The following ATG7 variants were observed in gnomAD, a reference collection of about 807,000 sequenced individuals.
ATG7 encodes the protein autophagy related 7.
Under a neutral mutation model 82.4 loss-of-function variants are expected in ATG7, and 70 were observed. The ratio of observed to expected loss-of-function variants is 0.85; its 90% CI spans 0.70 to 1.04. ATG7 has a LOEUF of 1.04. Among genes scored for constraint, ATG7 ranks in the 50% least tolerant of loss-of-function variants. The pLI, the probability that ATG7 is intolerant of heterozygous loss-of-function variation, is 0.00. For synonymous variants in ATG7, 287 were observed against 313.0 expected (o/e 0.92, Z 0.88); for missense variants, 792 against 864.3 (o/e 0.92, Z 1.05).
chr3:11,276,190 G>A (rs1416908936), intron 1 of ATG7, among the ~76,000 whole-genome samples: 1 of 152,036 alleles, frequency 6.6e-6, no homozygotes, highest in Non-Finnish European at 1.5e-5. Context: ...CCACTAAGTT[G>A]CAGCCATTAA....
intron 20 of ATG7, among the ~76,000 whole-genome samples, chr3:11,432,384 T>C (rs1056100155): frequency 6.6e-6 from 1 of 152,194 alleles, no homozygotes. Context: ...TCTCAAGTTA[T>C]AGATTAAAAA....
intron 19 of ATG7, among the ~76,000 whole-genome samples, chr3:11,403,519 G>A (rs1475725090): frequency 6.6e-6 from 1 of 152,034 alleles, no homozygotes; most frequent in African/African-American, 2.4e-5. Context: ...TTTAAGAAAT[G>A]GAAACTAGCA....
At chr3:11,442,739 CA>C (rs57073881) in intron 20 of ATG7, among the ~76,000 whole-genome samples, 1,426 of 69,030 alleles carry the variant, frequency 0.021, 55 homozygotes, top group African/African-American at 0.065. Context: ...TCCATCTCTA[CA>C]AAAAAAAAAA....
At chr3:11,436,678 G>A (rs954587087) in intron 20 of ATG7, among the ~76,000 whole-genome samples, 55 of 152,212 alleles carry the variant, frequency 3.6e-4, no homozygotes, top group Non-Finnish European at 7.3e-5. Flanking sequence ...ATTAGCTGAT[G>A]AATGGATGGA....
intron 9 of ATG7, among the ~76,000 whole-genome samples, chr3:11,319,387 C>T (rs1646311461): frequency 6.6e-6 from 1 of 152,146 alleles, no homozygotes; most frequent in African/African-American, 2.4e-5. Context: ...TCTGCCCCCT[C>T]CTCCTCCTAC....
chr3:11,297,793 G>A (rs994093005), intron 3 of ATG7, among the ~76,000 whole-genome samples: 9 of 152,124 alleles, frequency 5.9e-5, no homozygotes, highest in Admixed American at 3.9e-4. Flanking sequence ...CTGACAGTTT[G>A]GGTTGTTGCA....
chr3:11,422,170 G>C (rs1337738237), intron 19 of ATG7, among the ~76,000 whole-genome samples: 4 of 152,206 alleles, frequency 2.6e-5, no homozygotes, highest in African/African-American at 9.6e-5. Context: ...AAGGGAGTCA[G>C]CCTATTTTTT....
intron 19 of ATG7, among the ~76,000 whole-genome samples, chr3:11,402,397 C>T (rs748944456): frequency 1.2e-4 from 18 of 152,208 alleles, no homozygotes; most frequent in Non-Finnish European, 2.6e-4. Flanking sequence ...TGTGCCATTG[C>T]ACTCCAGCCT....
At chr3:11,507,107 C>T (rs1230535873) in intron 20 of ATG7, among the ~76,000 whole-genome samples, 1 of 152,090 alleles carries the variant, frequency 6.6e-6, no homozygotes, top group African/African-American at 2.4e-5. Context: ...CATAGTGAAA[C>T]CCCGCCTCTA....
At chr3:11,528,581 C>G (rs1445664585) in intron 20 of ATG7, among the ~76,000 whole-genome samples, 2 of 152,140 alleles carry the variant, frequency 1.3e-5, no homozygotes, top group Admixed American at 6.5e-5. Flanking sequence ...AATCCCAGCA[C>G]TTTGGGAGGC....
chr3:11,336,479 G>A (rs1182552632), intron 11 of ATG7, among the ~76,000 whole-genome samples: 1 of 152,080 alleles, frequency 6.6e-6, no homozygotes, highest in Non-Finnish European at 1.5e-5. Flanking sequence ...TGAATTTCCT[G>A]TTTTTCATGT....
chr3:11,504,469 C>T (rs1011692580), intron 20 of ATG7, among the ~76,000 whole-genome samples: 1 of 152,044 alleles, frequency 6.6e-6, no homozygotes, highest in African/African-American at 2.4e-5. Flanking sequence ...TGGGAGATCC[C>T]ACAAAGGAGA....
intron 20 of ATG7, among the ~76,000 whole-genome samples, chr3:11,529,109 G>C (rs549104098): frequency 6.6e-6 from 1 of 152,238 alleles, no homozygotes; most frequent in African/African-American, 2.4e-5. Flanking sequence ...TACACGTGTA[G>C]GTGGACAGGA....
At position 11,547,489 on chromosome 3, in the gene ATG7, A is replaced by G. The variant is rs185235865; in HGVS notation, c.2080-7322A>G. On this transcript the variant is annotated intron_variant, in intron 20 of 20. Transcript: ENST00000693202. The stretch of plus-strand genomic sequence containing the variant: ...CCTATGAATACTACTGTGTTTGTGT[A>G]CAAGTTTTTATGTGGACACGTTGTC... Among the ~76,000 whole-genome samples the G allele has an allele frequency of 4.6e-5, 7 of 152,308 alleles. No individual in the cohort carries two copies. The East Asian group carries it at 1.2e-3, about 25-fold the overall frequency.
intron 19 of ATG7, among the ~76,000 whole-genome samples, chr3:11,404,301 A>C (rs1395394042): frequency 1.3e-5 from 2 of 151,502 alleles, no homozygotes; most frequent in Non-Finnish European, 2.9e-5. Context: ...ATGCCCGACT[A>C]ATTTTTTTAT....
intron 20 of ATG7, among the ~76,000 whole-genome samples, chr3:11,530,163 C>T (rs2092667163): frequency 6.6e-6 from 1 of 152,104 alleles, no homozygotes; most frequent in South Asian, 2.1e-4. Context: ...GTTATAATAC[C>T]CTTCCCACCT....
At chr3:11,448,473 G>T (rs1553673021) in intron 20 of ATG7, among the ~76,000 whole-genome samples, 1 of 152,184 alleles carries the variant, frequency 6.6e-6, no homozygotes, top group Non-Finnish European at 1.5e-5. Context: ...TCTGCTTCAG[G>T]ACATGTGCCT....
chr3:11,573,448 CA>C, the ATG7 span, among the ~76,000 whole-genome samples: 1 of 152,176 alleles, frequency 6.6e-6, no homozygotes. Context: ...GTGCTGGGGA[CA>C]GGGCTTCTGA....
At chr3:11,411,310 T>TA (rs1359638602) in intron 19 of ATG7, among the ~76,000 whole-genome samples, 7 of 152,150 alleles carry the variant, frequency 4.6e-5, no homozygotes, top group Non-Finnish European at 8.8e-5. Context: ...GTTTTAGAAT[T>TA]ACCTGTATGT....
Sources: allele counts gnomAD v4.1 joint callset (sites outside exome capture counted in the v4.1 genomes callset), GRCh38; gene constraint gnomAD v4.1.1; transcripts MANE v1.5; gene names NCBI Gene and HGNC (gene_info 2026-07-23, HGNC 2026-07-21).